CAPN15: variants seen among roughly 807,000 people sequenced by gnomAD.
The protein encoded by CAPN15 is calpain-15.
CAPN15 carries 53 observed loss-of-function variants against 97.9 expected under a neutral mutation model. The ratio of observed to expected loss-of-function variants is 0.54; its 90% CI spans 0.43 to 0.68. The LOEUF (loss-of-function observed/expected upper bound fraction) is 0.68, where lower values mean the gene tolerates loss of function less well. Ranked by LOEUF, CAPN15 falls within the 30% of genes least tolerant of loss-of-function variation. The probability of loss-of-function intolerance (pLI) is 0.00; values close to 1 mark genes in which losing one functional copy is unlikely to be tolerated. For synonymous variants in CAPN15, 922 were observed against 722.5 expected (o/e 1.28, Z -4.43); for missense variants, 1,592 against 1,589.8 (o/e 1.00, Z -0.02).
At chr16:532,138 G>A (rs1235523075) in intron 1 of CAPN15, among the ~76,000 whole-genome samples, 1 of 151,390 alleles carries the variant, frequency 6.6e-6, no homozygotes, top group Non-Finnish European at 1.5e-5. Context: ...TACTCAGGAG[G>A]CTGAGACTGT....
At chr16:550,733 C>CGTCGGTGAGGGTCCCCT (rs2034947386) in intron 7 of CAPN15, among the ~76,000 whole-genome samples, 1 of 9,358 alleles carries the variant, frequency 1.1e-4, no homozygotes, top group Non-Finnish European at 3.2e-4. Flanking sequence ...TGAGGGTCCC[C>CGTCGGTGAGGGTCCCCT]GTCGGTGAGG....
chr16:549,521 C>T, intron 6 of CAPN15, 50 bp downstream of exon 6: 1 of 1,535,102 alleles, frequency 6.5e-7, no homozygotes, highest in Non-Finnish European at 8.7e-7. Flanking sequence ...GCCTCTGACC[C>T]CAGCCCCGAA....
At chr16:548,763 G>A (rs953821466) in intron 4 of CAPN15, among the ~76,000 whole-genome samples, 1 of 152,254 alleles carries the variant, frequency 6.6e-6, no homozygotes, top group African/African-American at 2.4e-5. Context: ...CTGTCCCCCT[G>A]GGCCCACACG....
In CAPN15 at chr16:553,547, G is replaced by A; in HGVS notation, c.*31G>A. The A allele has an allele frequency of 6.7e-7, 1 of 1,493,578 alleles. No individual in the cohort carries two copies. The allele number at this position is 1,493,578 out of a possible 1,614,324, so 92.5% of individuals were successfully genotyped here. A position where few individuals can be genotyped will look rare whatever the true frequency, so the allele number is the denominator to read the frequency against. Reference sequence around the variant, plus strand: ...ATGCCTGGGGCAGGGGCTGTGCACAGACGGACCCCCCACCCCCACACGCAC... The same window carrying A: ...ATGCCTGGGGCAGGGGCTGTGCACAAACGGACCCCCCACCCCCACACGCAC... On this transcript the variant is annotated 3_prime_UTR_variant, in exon 14 of 14. Coordinates refer to ENST00000219611, the MANE Select transcript of CAPN15 (RefSeq NM_005632.3).
intron 2 of CAPN15, among the ~76,000 whole-genome samples, chr16:534,542 A>G (rs1020237121): frequency 2.6e-5 from 4 of 152,160 alleles, no homozygotes; most frequent in African/African-American, 9.7e-5. Flanking sequence ...CACCCGACTC[A>G]TGCAGGAGCT....
chr16:545,136 G>A (rs56270128), intron 3 of CAPN15, among the ~76,000 whole-genome samples: 7,358 of 151,960 alleles, frequency 0.048, 385 homozygotes, highest in African/African-American at 0.13. Flanking sequence ...TGAGCCGTGC[G>A]CGAGCCACTG....
chr16:531,718 G>A (rs1227923559), intron 1 of CAPN15, among the ~76,000 whole-genome samples: 3 of 147,532 alleles, frequency 2.0e-5, no homozygotes, highest in Admixed American at 6.7e-5. Flanking sequence ...CAAGGCCTCC[G>A]TCTCCTTCTC....
intron 1 of CAPN15, among the ~76,000 whole-genome samples, chr16:530,980 C>A (rs372319565): frequency 1.3e-5 from 2 of 152,354 alleles, no homozygotes; most frequent in African/African-American, 4.8e-5. Context: ...TTGTCAGATT[C>A]CCTGAGGTCA....
chr16:543,855 G>C (rs1243924199), intron 3 of CAPN15, among the ~76,000 whole-genome samples: 1 of 152,194 alleles, frequency 6.6e-6, no homozygotes, highest in African/African-American at 2.4e-5. Context: ...CGCTGCCCTG[G>C]TGGCCGCTGA....
intron 1 of CAPN15, among the ~76,000 whole-genome samples, chr16:531,590 G>A (rs760625292): frequency 1.6e-4 from 24 of 145,804 alleles, no homozygotes; most frequent in Non-Finnish European, 3.2e-4. Flanking sequence ...AGGGCCACAC[G>A]GCTCCCAAGG....
At chr16:545,070 C>G (rs1017977536) in intron 3 of CAPN15, among the ~76,000 whole-genome samples, 1 of 151,826 alleles carries the variant, frequency 6.6e-6, no homozygotes, top group Non-Finnish European at 1.5e-5. Flanking sequence ...GGGCTCCTGA[C>G]GCGAGCTTTT....
chr16:543,877 G>A lies in CAPN15; in HGVS notation c.-22-2940G>A, dbSNP rs141720850. 7.2e-3 allele frequency among the ~76,000 whole-genome samples: 1,095 copies of A among 152,304 alleles called. 15 individuals are homozygous for A. Among genetic ancestry groups the A allele is most frequent in the African/African-American group, 0.025 (1,034 of 41,564 alleles). On this transcript the variant is annotated intron_variant, in intron 3 of 13. Coordinates refer to ENST00000219611, the MANE Select transcript of CAPN15 (RefSeq NM_005632.3). Reference sequence around the variant, plus strand: ...CTGGTGGCCGCTGAATTCTCCCAACGCCCCAGGACAGCAGGTGCTGTGGCC... The same window carrying A: ...CTGGTGGCCGCTGAATTCTCCCAACACCCCAGGACAGCAGGTGCTGTGGCC...
At position 547,850 on chromosome 16, in the gene CAPN15, A is replaced by G. The variant is rs937681567; in HGVS notation, c.1012A>G (p.Ser338Gly). ...TVRYTPASPS[S>G]PDFTTWSCAK... The stretch of plus-strand genomic sequence containing the variant: ...GCGTTACACGCCCGCCAGCCCCTCC[A>G]GCCCCGACTTCACCACCTGGTCATG... The change falls in exon 4 of 14, where the codon AGC becomes GGC. Residue 338 changes from serine (S) to glycine (G), a missense_variant. Physicochemically the swap from Ser to Gly is moderately conservative, Grantham distance 56. Coordinates refer to ENST00000219611, the MANE Select transcript of CAPN15 (RefSeq NM_005632.3). The G allele has an allele frequency of 1.2e-6, 2 of 1,611,426 alleles. No homozygotes were observed. The highest frequency in any genetic ancestry group is 1.7e-6 in the Non-Finnish European group (2 of 1,179,394).
At chr16:534,234 G>GCGACGGTGAGGGCGGCCC (rs1363610070) in intron 2 of CAPN15, among the ~76,000 whole-genome samples, 135 of 146,320 alleles carry the variant, frequency 9.2e-4, no homozygotes, top group Middle Eastern at 3.5e-3. Flanking sequence ...GTCCCGACAG[G>GCGACGGTGAGGGCGGCCC]GGTGTTTGTC....
chr16:540,117 A>G, intron 3 of CAPN15: 1 of 985,290 alleles, frequency 1.0e-6, no homozygotes, highest in South Asian at 4.7e-5. Context: ...TCTTCCCTCC[A>G]TGCTCCGCTT....
intron 3 of CAPN15, among the ~76,000 whole-genome samples, chr16:536,405 G>C (rs1039426328): frequency 1.3e-5 from 2 of 148,182 alleles, no homozygotes; most frequent in African/African-American, 2.5e-5. Context: ...CTCCCTCTAG[G>C]GGAACGCGGG....
At position 547,475 on chromosome 16, in the gene CAPN15, C is replaced by T; in HGVS notation, c.637C>T (p.Pro213Ser). The T allele has an allele frequency of 6.3e-7, 1 of 1,596,088 alleles. No individual in the cohort carries two copies. The highest frequency in any genetic ancestry group is 8.5e-7 in the Non-Finnish European group (1 of 1,178,226). ...GLPGEGAEAN[P>S]PATSQGPAAE... ...CCCCGGGGAAGGTGCCGAGGCCAAC[C>T]CCCCAGCCACCAGCCAGGGCCCAGC... The change falls in exon 4 of 14, where the codon CCC (proline) becomes TCC (serine). Residue 213 changes from proline (P) to serine (S), a missense_variant. By Grantham distance (74) the Pro-to-Ser change is moderately conservative (BLOSUM62 -1). Transcript: ENST00000219611.
rs2035261736 is a variant in CAPN15 at position 553,505 on chromosome 16, C to T, written c.3250C>T (p.Arg1084Ter). 4.4e-6 allele frequency: 7 copies of T among 1,605,406 alleles called. No homozygotes were observed. Among genetic ancestry groups the T allele is most frequent in the African/African-American group, 1.3e-5 (1 of 74,606 alleles). Residue 1084 changes from arginine to a stop codon, truncating the protein, a stop_gained, in exon 14 of 14, where the codon CGA becomes TGA. Coordinates refer to ENST00000219611, the MANE Select transcript of CAPN15 (RefSeq NM_005632.3). LOFTEE classifies it high-confidence loss of function. ...AGAGGTCGCCGGTCTGCATGGGCCC[C>T]GACCGCTGTGACCACCATGCCTGGG... ...TPEVAGLHGP[R>*]PL
chr16:532,886 C>T (rs1226595919), intron 1 of CAPN15, among the ~76,000 whole-genome samples: 1 of 149,066 alleles, frequency 6.7e-6, no homozygotes, highest in African/African-American at 2.5e-5. Context: ...GATGCCTGTG[C>T]CACTGGACAC....
Sources: allele counts gnomAD v4.1 joint callset (sites outside exome capture counted in the v4.1 genomes callset), GRCh38; gene constraint gnomAD v4.1.1; transcripts MANE v1.5; gene names NCBI Gene and HGNC (gene_info 2026-07-23, HGNC 2026-07-21).